ABHD1: variants seen among roughly 807,000 people sequenced by gnomAD.
ABHD1 encodes abhydrolase domain containing 1, also known as protein ABHD1.
Under a neutral mutation model 41.4 loss-of-function variants are expected in ABHD1, and 47 were observed. The ratio of observed to expected loss-of-function variants is 1.13; its 90% CI spans 0.90 to 1.45. ABHD1 has a LOEUF of 1.45. Among genes scored for constraint, ABHD1 ranks in the 40% most tolerant of loss-of-function variants. ABHD1 has a pLI of 0.00. For synonymous variants in ABHD1, 205 were observed against 203.7 expected, an observed-to-expected ratio of 1.01 and a Z score of -0.05; for missense variants, 550 against 503.4, an observed-to-expected ratio of 1.09 and a Z score of -0.89.
intron 2 of ABHD1, 126 bp downstream of exon 2, chr2:27,128,727 G>A (rs1672082145): frequency 7.3e-7 from 1 of 1,363,988 alleles, no homozygotes. Context: ...AATGACAATG[G>A]ATGTTATATG....
Position 27,129,110 on chromosome 2 carries a change from T to A in ABHD1, c.441T>A (p.Ala147=), listed in dbSNP as rs1344061064. Residue 147 remains alanine (A), a synonymous_variant, in exon 3 of 9, where the codon GCT becomes GCA. Transcript: ENST00000316470. The part of the protein sequence containing the change: ...ETYVLHLVNQ[A]LRDGYQAVVF... ...ACGTCTTGCACCTAGTTAACCAAGC[T>A]CTGAGGGATGGCTACCAGTAAGGAT... 6.2e-7 allele frequency: 1 copy of A among 1,613,022 alleles called. No individual in the cohort carries two copies. The highest frequency in any genetic ancestry group is 8.5e-7 in the Non-Finnish European group (1 of 1,179,832).
chr2:27,130,499 A>G, intron 8 of ABHD1, 34 bp from the exon 9 acceptor site: 1 of 1,611,760 alleles, frequency 6.2e-7, no homozygotes, highest in African/African-American at 1.3e-5. Flanking sequence ...CTCCCAGTGA[A>G]GGCCAGTGTT....
Position 27,128,537 on chromosome 2 carries a change from G to C in ABHD1, c.211G>C (p.Glu71Gln), listed in dbSNP as rs771132781. The C allele has an allele frequency of 1.2e-6, 2 of 1,613,856 alleles. No homozygotes were observed. Among genetic ancestry groups the C allele is most frequent in the East Asian group, 2.2e-5 (1 of 44,866 alleles). The change falls in exon 2 of 9, where the codon GAG becomes CAG. Residue 71 changes from glutamate (E) to glutamine (Q), a missense_variant. Glu to Gln is a conservative substitution (Grantham distance 29). Coordinates refer to ENST00000316470, the MANE Select transcript of ABHD1 (RefSeq NM_032604.4). ...ETFYPTLWCF[E>Q]GRLQSIFQVL... ...TTTCTACCCAACGCTGTGGTGTTTT[G>C]AGGGGCGACTACAAAGCATCTTCCA...
At chr2:27,130,047 G>C in intron 6 of ABHD1, 58 bp from the exon 7 acceptor site, 1 of 1,612,160 alleles carries the variant, frequency 6.2e-7, no homozygotes, top group Middle Eastern at 1.7e-4. Flanking sequence ...GTAAGACAGG[G>C]CCTGGGGGTG....
chr2:27,130,728 A>C lies in ABHD1; in HGVS notation c.1202A>C (p.Glu401Ala). 6.2e-7 allele frequency: 1 copy of C among 1,614,142 alleles called. No individual in the cohort carries two copies. The highest frequency in any genetic ancestry group is 1.3e-5 in the African/African-American group (1 of 75,026). ...GACCTCAGGGCTCTCTTACCTTCTG[A>C]GGACAGAAACAGCTGACAAGAGTAC... is the stretch of plus-strand genomic sequence containing the variant. The part of the protein sequence containing the change: ...LPDLRALLPS[E>A]DRNS The change falls in exon 9 of 9, where the codon GAG (glutamate) becomes GCG (alanine). Residue 401 changes from glutamate (E) to alanine (A), a missense_variant. Glu to Ala is a moderately radical substitution (Grantham distance 107). Transcript: ENST00000316470.
In ABHD1 at chr2:27,129,079, A is replaced by G. The variant is rs754640689; in HGVS notation, c.410A>G (p.Glu137Gly). The change falls in exon 3 of 9, where the codon GAG (glutamate) becomes GGG (glycine). Residue 137 changes from glutamate to glycine, a missense_variant. By Grantham distance (98) the Glu-to-Gly change is moderately conservative. Transcript: ENST00000316470. ...LLPGITGSSQ[E>G]TYVLHLVNQA... ...CCTGGCATCACTGGCAGTAGCCAGG[A>G]GACATACGTCTTGCACCTAGTTAAC... The G allele has an allele frequency of 8.6e-5, 139 of 1,613,890 alleles. No homozygotes were observed. The highest frequency in any genetic ancestry group is 1.1e-4 in the Non-Finnish European group (129 of 1,180,028).
rs376058434 is a variant in ABHD1, at chr2:27,130,277, G to A, written c.867G>A (p.Glu289=). The A allele has an allele frequency of 3.2e-5, 51 of 1,613,988 alleles. No homozygotes were observed. Among genetic ancestry groups the A allele is most frequent in the Non-Finnish European group, 3.8e-5 (45 of 1,180,026 alleles). Residue 289 remains glutamate (E), a synonymous_variant, in exon 8 of 9, where the codon GAG becomes GAA. Transcript: ENST00000316470. ...CCCGTACAATCCGCCAGTTTGATGAGCGCTACACATCTGTGGCCTTTGGAT... is the reference window on the plus strand; with the variant it reads ...CCCGTACAATCCGCCAGTTTGATGAACGCTACACATCTGTGGCCTTTGGAT... ...LQARTIRQFD[E]RYTSVAFGYQ... is the part of the protein sequence containing the mutation.
chr2:27,128,602 G>T lies in ABHD1; in HGVS notation c.275+1G>T, dbSNP rs1558474153. 1 of 1,614,044 alleles carries T rather than the reference G, an allele frequency of 6.2e-7. No individual in the cohort carries two copies. Among genetic ancestry groups the T allele is most frequent in the South Asian group, 1.1e-5 (1 of 91,078 alleles). On this transcript the variant is annotated splice_donor_variant, in intron 2 of 8. Transcript: ENST00000316470. LOFTEE classifies it high-confidence loss of function. ...CTCAGCCCCTAGTCCTTTATCAGAG[G>T]TAAGAAGGGACAGAACAGGGTGAAC...
chr2:27,130,661 C>T lies in ABHD1; in HGVS notation c.1135C>T (p.Gln379Ter), dbSNP rs777343902. Reference sequence around the variant, plus strand: ...CTGGTACATGAGCCGCCTCTTGCATCAGTACGCCAAAGCCATCTTCCAGGA... The same window carrying T: ...CTGGTACATGAGCCGCCTCTTGCATTAGTACGCCAAAGCCATCTTCCAGGA... ...QHWYMSRLLH[Q>*]YAKAIFQDPE... Residue 379 changes from glutamine to a stop codon, truncating the protein, a stop_gained, in exon 9 of 9, where the codon CAG becomes TAG. Coordinates refer to ENST00000316470, the MANE Select transcript of ABHD1 (RefSeq NM_032604.4). LOFTEE classifies it low-confidence loss of function (END_TRUNC). 2.5e-6 allele frequency: 4 copies of T among 1,614,242 alleles called. No individual in the cohort carries two copies. In the South Asian group the frequency reaches 3.3e-5, roughly 13 times the overall value.
At chr2:27,125,252 G>A (rs1671912889) in intron 1 of ABHD1, 1 of 152,076 alleles carries the variant, frequency 6.6e-6, no homozygotes, top group Admixed American at 6.6e-5. Flanking sequence ...GAACAAAACT[G>A]CCCCTAAGGA....
chr2:27,128,368 C>T (rs186286141), intron 1 of ABHD1, 73 bp from the exon 2 acceptor site: 208 of 1,603,348 alleles, frequency 1.3e-4, no homozygotes, highest in Middle Eastern at 8.3e-4. Context: ...GCCCCCTCAC[C>T]CTCTGGTGTT....
At chr2:27,124,100 G>A (rs1173720107) in intron 1 of ABHD1, 38 bp downstream of exon 1, 1 of 1,583,260 alleles carries the variant, frequency 6.3e-7, no homozygotes, top group Non-Finnish European at 8.7e-7. Flanking sequence ...GCGGGTTTGG[G>A]TGTAGGGGGC....
intron 1 of ABHD1, among the ~76,000 whole-genome samples, chr2:27,127,262 T>A (rs914299588): frequency 1.5e-4 from 21 of 140,506 alleles, no homozygotes; most frequent in Non-Finnish European, 6.1e-5. Flanking sequence ...TTTTTTTTTT[T>A]AAGACGGTGT....
intron 2 of ABHD1, 81 bp from the exon 3 acceptor site, chr2:27,128,864 G>A (rs772554961): frequency 1.3e-6 from 2 of 1,487,000 alleles, no homozygotes; most frequent in Admixed American, 2.0e-5. Context: ...AGACTTGTTT[G>A]TGGGTGGGGC....
chr2:27,130,132 G>A lies in ABHD1; in HGVS notation c.819G>A (p.Val273=), dbSNP rs761365496. The A allele has an allele frequency of 1.2e-6, 2 of 1,614,038 alleles. No homozygotes were observed. Among genetic ancestry groups the A allele is most frequent in the Admixed American group, 1.7e-5 (1 of 59,994 alleles). The change falls in exon 7 of 9, where the codon GTG becomes GTA. Residue 273 remains valine (V), a synonymous_variant. Transcript: ENST00000316470. The stretch of plus-strand genomic sequence containing the variant: ...ACAGAAAGGTGATTGAAAAGGTGGT[G>A]GACATAGACTTTGTACTACAGGTAT... ...ERNRKVIEKV[V]DIDFVLQART...
Position 27,129,586 on chromosome 2 carries a change from C to A in ABHD1, c.577C>A (p.Pro193Thr). The A allele has an allele frequency of 6.2e-7, 1 of 1,613,870 alleles. No individual in the cohort carries two copies. Among genetic ancestry groups the A allele is most frequent in the African/African-American group, 1.3e-5 (1 of 75,072 alleles). ...CGTGAACCACATAAAGCATCGTTATCCCCAAGCTCCACTGCTGGCCGTGGG... is the reference window on the plus strand; with the variant it reads ...CGTGAACCACATAAAGCATCGTTATACCCAAGCTCCACTGCTGGCCGTGGG... Reference protein sequence around the residue: ...TVVNHIKHRYPQAPLLAVGIS... With the variant: ...TVVNHIKHRYTQAPLLAVGIS... The change falls in exon 5 of 9, where the codon CCC (proline) becomes ACC (threonine). Residue 193 changes from proline to threonine, a missense_variant. By Grantham distance (38) the Pro-to-Thr change is conservative (BLOSUM62 -1). Coordinates refer to ENST00000316470, the MANE Select transcript of ABHD1 (RefSeq NM_032604.4).
chr2:27,128,502 C>T lies in ABHD1; in HGVS notation c.176C>T (p.Thr59Ile). ...TTCCTGGAGCCACACTGTTCCATCA[C>T]CACCGAGACTTTCTACCCAACGCTG... ...LAFLEPHCSI[T>I]TETFYPTLWC... The change falls in exon 2 of 9, where the codon ACC becomes ATC. Residue 59 changes from threonine to isoleucine, a missense_variant. Coordinates refer to ENST00000316470, the MANE Select transcript of ABHD1 (RefSeq NM_032604.4). 6.2e-7 allele frequency: 1 copy of T among 1,614,170 alleles called. No individual in the cohort carries two copies. Among genetic ancestry groups the T allele is most frequent in the Non-Finnish European group, 8.5e-7 (1 of 1,180,046 alleles).
intron 1 of ABHD1, 31 bp from the exon 2 acceptor site, chr2:27,128,410 G>A: frequency 6.2e-7 from 1 of 1,613,030 alleles, no homozygotes; most frequent in Non-Finnish European, 8.5e-7. Flanking sequence ...CAAAAGTCAG[G>A]GAAGTGGGGC....
chr2:27,129,037 C>G lies in ABHD1; in HGVS notation c.368C>G (p.Pro123Arg), dbSNP rs770794278. 6.2e-7 allele frequency: 1 copy of G among 1,614,200 alleles called. No individual in the cohort carries two copies. The highest frequency in any genetic ancestry group is 1.7e-5 in the Admixed American group (1 of 60,024). The change falls in exon 3 of 9, where the codon CCC becomes CGC. Residue 123 changes from proline to arginine, a missense_variant. Transcript: ENST00000316470. Reference sequence around the variant, plus strand: ...CAAGACCCTGATCCTACTACCCAGCCCATTGTGCTGCTGCTTCCTGGCATC... The same window carrying G: ...CAAGACCCTGATCCTACTACCCAGCGCATTGTGCTGCTGCTTCCTGGCATC... ...SSQDPDPTTQ[P>R]IVLLLPGITG...
Sources: allele counts gnomAD v4.1 joint callset (sites outside exome capture counted in the v4.1 genomes callset), GRCh38; gene constraint gnomAD v4.1.1; transcripts MANE v1.5; gene names NCBI Gene and HGNC (gene_info 2026-07-23, HGNC 2026-07-21).